CCDC91: variants seen among roughly 807,000 people sequenced by gnomAD.
CCDC91 encodes the protein coiled-coil domain containing 91.
A neutral mutation model predicts 63.2 loss-of-function variants in CCDC91; 48 were observed. That is an observed-to-expected ratio of 0.76 (90% confidence interval 0.60 to 0.97). The LOEUF is 0.97. CCDC91 is among the 50% of genes least tolerant of loss of function. CCDC91 has a pLI of 0.00. For synonymous variants in CCDC91, 167 were observed against 165.8 expected (o/e 1.01, Z -0.06); for missense variants, 500 against 494.6 (o/e 1.01, Z -0.10).
intron 12 of CCDC91, among the ~76,000 whole-genome samples, chr12:28,499,963 A>G (rs1365894994): frequency 6.6e-6 from 1 of 152,150 alleles, no homozygotes; most frequent in East Asian, 1.9e-4. Context: ...TACCACCAAC[A>G]GTGTAAAAGC....
intron 1 of CCDC91, among the ~76,000 whole-genome samples, chr12:28,228,069 T>A (rs1944378961): frequency 6.6e-6 from 1 of 152,106 alleles, no homozygotes; most frequent in African/African-American, 2.4e-5. Context: ...TGACTTTTCA[T>A]AATTTTGCTT....
chr12:28,535,488 A>T (rs1457607079), intron 12 of CCDC91, among the ~76,000 whole-genome samples: 2 of 152,228 alleles, frequency 1.3e-5, no homozygotes, highest in Non-Finnish European at 2.9e-5. Flanking sequence ...CAGAGAGGAC[A>T]CTGCAGCAAA....
At chr12:28,452,060 ATTTG>A (rs1348527601) in intron 10 of CCDC91, among the ~76,000 whole-genome samples, 4 of 151,510 alleles carry the variant, frequency 2.6e-5, no homozygotes, top group Non-Finnish European at 4.4e-5. Context: ...AAAATATATT[ATTTG>A]TTAATATCAT....
intron 11 of CCDC91, among the ~76,000 whole-genome samples, chr12:28,464,155 C>A (rs1950440365): frequency 6.6e-6 from 1 of 152,122 alleles, no homozygotes; most frequent in Non-Finnish European, 1.5e-5. Context: ...TCAGCCTTAG[C>A]CAGAGGGGAA....
At chr12:28,426,969 G>C (rs1483581123) in intron 8 of CCDC91, among the ~76,000 whole-genome samples, 1 of 152,130 alleles carries the variant, frequency 6.6e-6, no homozygotes, top group East Asian at 1.9e-4. Flanking sequence ...TTCTCTTGCT[G>C]TAAGTTGCCA....
intron 7 of CCDC91, among the ~76,000 whole-genome samples, chr12:28,386,214 A>G (rs540178691): frequency 4.3e-4 from 65 of 152,280 alleles, no homozygotes; most frequent in Admixed American, 8.5e-4. Flanking sequence ...TTGATAGTAT[A>G]TATTTATGTA....
intron 6 of CCDC91, among the ~76,000 whole-genome samples, chr12:28,350,371 A>G (rs928385093): frequency 1.3e-5 from 2 of 152,216 alleles, no homozygotes; most frequent in South Asian, 4.1e-4. Context: ...TTTTTAGATG[A>G]TTAATTTAGA....
intron 12 of CCDC91, among the ~76,000 whole-genome samples, chr12:28,499,858 C>A (rs935285253): frequency 6.6e-6 from 1 of 151,982 alleles, no homozygotes; most frequent in Non-Finnish European, 1.5e-5. Context: ...GGGTATATAC[C>A]CAGTAATGGG....
intron 1 of CCDC91, among the ~76,000 whole-genome samples, chr12:28,239,591 A>G (rs1945195938): frequency 6.6e-6 from 1 of 152,136 alleles, no homozygotes; most frequent in Non-Finnish European, 1.5e-5. Flanking sequence ...GTAATATGGA[A>G]TATTATATGC....
At chr12:28,295,531 T>A (rs971907418) in intron 3 of CCDC91, among the ~76,000 whole-genome samples, 2 of 152,058 alleles carry the variant, frequency 1.3e-5, no homozygotes, top group African/African-American at 4.8e-5. Flanking sequence ...ATAATTTATT[T>A]ATTTTTTATT....
chr12:28,412,896 G>GT (rs1947408203), intron 8 of CCDC91: 2 of 413,440 alleles, frequency 4.8e-6, no homozygotes, highest in South Asian at 3.5e-5. Flanking sequence ...GACCCAGGAA[G>GT]TCCAGCTGGC....
At chr12:28,378,384 T>C (rs1474987450) in intron 7 of CCDC91, among the ~76,000 whole-genome samples, 1 of 152,124 alleles carries the variant, frequency 6.6e-6, no homozygotes, top group Admixed American at 6.6e-5. Flanking sequence ...ATTTGAACTC[T>C]TAAATTGTTT....
chr12:28,366,152 TA>T (rs370495257), intron 7 of CCDC91, among the ~76,000 whole-genome samples: 4,220 of 148,652 alleles, frequency 0.028, 165 homozygotes, highest in African/African-American at 0.092. Flanking sequence ...TAGTACAGAT[TA>T]AAAAAAAAAC....
At chr12:28,473,840 C>G (rs1212837478) in intron 11 of CCDC91, among the ~76,000 whole-genome samples, 1 of 152,106 alleles carries the variant, frequency 6.6e-6, no homozygotes, top group African/African-American at 2.4e-5. Flanking sequence ...TTTCTTCCCC[C>G]TCAGGAGAAC....
At chr12:28,500,355 C>T (rs559392367) in intron 12 of CCDC91, among the ~76,000 whole-genome samples, 127 of 152,060 alleles carry the variant, frequency 8.4e-4, no homozygotes, top group African/African-American at 2.9e-3. Context: ...TAATTAGATC[C>T]CATTTGTCAA....
rs1334691315 is a variant in CCDC91, at chr12:28,211,847, CA to C, written c.-15+21209del. Among the ~76,000 whole-genome samples the C allele has an allele frequency of 2.6e-5, 4 of 151,764 alleles. No individual in the cohort carries two copies. The South Asian group carries it at 8.3e-4, about 31-fold the overall frequency. ...AATCCCTGTGTGAATTTTCAAATGC[CA>C]AATTTTATAACCCCTACAATATTAC... On this transcript the variant is annotated intron_variant, in intron 1 of 12. Transcript: ENST00000536442.
chr12:28,501,624 G>A (rs1203974130), intron 12 of CCDC91, among the ~76,000 whole-genome samples: 1 of 151,028 alleles, frequency 6.6e-6, no homozygotes, highest in African/African-American at 2.4e-5. Flanking sequence ...TTTTATTGAG[G>A]ATTTTTGCAT....
At chr12:28,452,195 G>A (rs1009508909) in intron 10 of CCDC91, among the ~76,000 whole-genome samples, 3 of 151,372 alleles carry the variant, frequency 2.0e-5, no homozygotes, top group African/African-American at 7.3e-5. Flanking sequence ...TTTTAAGATT[G>A]TAAAGGGATC....
intron 8 of CCDC91, among the ~76,000 whole-genome samples, chr12:28,430,520 C>T (rs1661675287): frequency 6.6e-6 from 1 of 152,046 alleles, no homozygotes. Flanking sequence ...AAATTACATA[C>T]TGTATATATT....
Sources: gnomAD v4.1 joint callset for allele counts (sites outside exome capture counted in the v4.1 genomes callset) on GRCh38, gnomAD v4.1.1 for gene constraint, MANE v1.5 for transcripts, NCBI Gene and HGNC (gene_info 2026-07-23, HGNC 2026-07-21) for gene names.